CTNNA2: variants seen among roughly 807,000 people sequenced by gnomAD.
CTNNA2 encodes the protein catenin alpha-2.
In CTNNA2, 42 loss-of-function variants were observed where a neutral mutation model predicts 101.0. The observed-to-expected ratio is 0.42, with a 90% CI of 0.32 to 0.54. CTNNA2 has a LOEUF of 0.54. Among genes scored for constraint, CTNNA2 ranks in the 20% least tolerant of loss-of-function variants. CTNNA2 has a pLI of 0.14. For missense variants in CTNNA2, 871 were observed against 1,223.1 expected (o/e 0.71, Z 4.29); for synonymous variants, 450 against 456.4 (o/e 0.99, Z 0.18).
chr2:79,633,779 G>C (rs186379636), intron 1 of CTNNA2: 1 of 152,092 alleles, frequency 6.6e-6, no homozygotes, highest in Non-Finnish European at 1.5e-5. Context: ...ACCCACTGAC[G>C]ACAGGTCATC....
chr2:80,040,578 T>C (rs1695976971), intron 7 of CTNNA2, among the ~76,000 whole-genome samples: 1 of 152,106 alleles, frequency 6.6e-6, no homozygotes, highest in African/African-American at 2.4e-5. Flanking sequence ...TGGGCCCGGG[T>C]TGGTACTTCA....
At chr2:79,865,374 A>G (rs531337473) in intron 4 of CTNNA2, among the ~76,000 whole-genome samples, 19 of 152,320 alleles carry the variant, frequency 1.2e-4, no homozygotes, top group Admixed American at 1.2e-3. Context: ...TATTTCCAAG[A>G]TAGTTATTTT....
intron 1 of CTNNA2, among the ~76,000 whole-genome samples, chr2:79,632,128 G>C (rs1679736216): frequency 1.3e-5 from 2 of 151,958 alleles, no homozygotes; most frequent in African/African-American, 4.8e-5. Flanking sequence ...GGCTAATTTA[G>C]TTCATTCCAA....
intron 1 of CTNNA2, among the ~76,000 whole-genome samples, chr2:79,562,713 A>G (rs771853436): frequency 3.9e-5 from 6 of 152,114 alleles, no homozygotes; most frequent in Non-Finnish European, 5.9e-5. Context: ...TGCTTTGGGT[A>G]TATATTGTAT....
At chr2:79,225,606 AAAGATTT>A (rs1341016464) in intron 2 of CTNNA2, among the ~76,000 whole-genome samples, 3 of 152,178 alleles carry the variant, frequency 2.0e-5, no homozygotes, top group Non-Finnish European at 2.9e-5. Flanking sequence ...CAAGGTACTG[AAAGATTT>A]GAATGAAGTT....
chr2:79,465,076 G>C (rs1191845269), intron 4 of CTNNA2, among the ~76,000 whole-genome samples: 1 of 152,052 alleles, frequency 6.6e-6, no homozygotes, highest in Non-Finnish European at 1.5e-5. Flanking sequence ...TGTCCTGAAT[G>C]GTATTGCCTA....
intron 7 of CTNNA2, among the ~76,000 whole-genome samples, chr2:80,196,451 C>T (rs1482445976): frequency 6.6e-6 from 1 of 152,174 alleles, no homozygotes; most frequent in Non-Finnish European, 1.5e-5. Flanking sequence ...CAGAAACTTG[C>T]ATGTCACAAC....
chr2:79,390,582 C>T (rs1175807610), intron 4 of CTNNA2, among the ~76,000 whole-genome samples: 1 of 152,158 alleles, frequency 6.6e-6, no homozygotes, highest in Admixed American at 6.6e-5. Flanking sequence ...ATGTGGCTGC[C>T]ACTTTAGTAA....
At chr2:80,277,553 G>GTAAAA (rs377036919) in intron 7 of CTNNA2, among the ~76,000 whole-genome samples, 1 of 83,828 alleles carries the variant, frequency 1.2e-5, no homozygotes, top group African/African-American at 4.6e-5. Context: ...AAGGATTTCT[G>GTAAAA]AAAAAAAAAA....
chr2:80,022,819 C>T (rs1211953962), intron 7 of CTNNA2, among the ~76,000 whole-genome samples: 3 of 152,166 alleles, frequency 2.0e-5, no homozygotes, highest in Non-Finnish European at 2.9e-5. Context: ...CCAGAGATCA[C>T]TCGTATGGCA....
chr2:79,574,627 A>G (rs1675675519), intron 1 of CTNNA2, among the ~76,000 whole-genome samples: 1 of 152,166 alleles, frequency 6.6e-6, no homozygotes. Flanking sequence ...ATTGGTGGGC[A>G]TTTAGTTTGA....
intron 12 of CTNNA2, among the ~76,000 whole-genome samples, chr2:80,559,878 T>TATCTATCTATCTATCTATCTA (rs1693393440): frequency 2.6e-5 from 3 of 113,936 alleles, no homozygotes; most frequent in African/African-American, 9.1e-5. Context: ...GATATCATAT[T>TATCTATCTATCTATCTATCTA]TATATATATA....
At chr2:79,539,436 A>G (rs1470637139) in intron 1 of CTNNA2, among the ~76,000 whole-genome samples, 6 of 152,176 alleles carry the variant, frequency 3.9e-5, no homozygotes, top group Non-Finnish European at 7.4e-5. Flanking sequence ...AGGCTAAATC[A>G]CTGTAAACCT....
chr2:79,779,844 C>T (rs907858524), intron 3 of CTNNA2, among the ~76,000 whole-genome samples: 50 of 152,134 alleles, frequency 3.3e-4, no homozygotes, highest in African/African-American at 1.2e-3. Flanking sequence ...CCCTCTTCCT[C>T]CTGGTCCAGG....
chr2:79,419,249 A>G (rs1467562700), intron 4 of CTNNA2, among the ~76,000 whole-genome samples: 1 of 152,226 alleles, frequency 6.6e-6, no homozygotes, highest in Non-Finnish European at 1.5e-5. Flanking sequence ...ATTTTCAAAA[A>G]ATATGTTATG....
chr2:79,760,710 A>G (rs978832671), intron 3 of CTNNA2, among the ~76,000 whole-genome samples: 3 of 152,248 alleles, frequency 2.0e-5, no homozygotes, highest in Admixed American at 1.3e-4. Flanking sequence ...GTAATAATTG[A>G]TAAGTAATGC....
At chr2:80,084,513 C>T (rs1173736522) in intron 7 of CTNNA2, among the ~76,000 whole-genome samples, 1 of 152,026 alleles carries the variant, frequency 6.6e-6, no homozygotes, top group Non-Finnish European at 1.5e-5. Flanking sequence ...TCTTCTAAGT[C>T]CGGGAACACA....
Position 80,080,969 on chromosome 2 carries a change from A to AAAG in CTNNA2, c.1056+171174_1056+171175insGAA, listed in dbSNP as rs1480989211. 2.3e-4 allele frequency among the ~76,000 whole-genome samples: 35 copies of AAAG among 150,388 alleles called. No homozygotes were observed. The East Asian group carries it at 6.5e-3, about 28-fold the overall frequency. ...CACTTAAAAAAAAAAAAAAAAAAAA[A>AAAG]AAAGAAATGCTTGCCGTGTTGCAGA... On this transcript the variant is annotated intron_variant, in intron 7 of 18. Transcript: ENST00000402739.
chr2:80,081,180 G>T (rs1041790206), intron 7 of CTNNA2, among the ~76,000 whole-genome samples: 1 of 151,542 alleles, frequency 6.6e-6, no homozygotes, highest in Non-Finnish European at 1.5e-5. Context: ...TCTTGGTTAT[G>T]TGACCCACAG....
Sources: allele counts gnomAD v4.1 joint callset (sites outside exome capture counted in the v4.1 genomes callset), GRCh38; gene constraint gnomAD v4.1.1; transcripts MANE v1.5; gene names NCBI Gene and HGNC (gene_info 2026-07-23, HGNC 2026-07-21).